Variants in SCAMP1 observed in about 807,000 individuals in gnomAD.
The protein encoded by SCAMP1 is secretory carrier-associated membrane protein 1.
In SCAMP1, 15 loss-of-function variants were observed where a neutral mutation model predicts 41.8. The ratio of observed to expected loss-of-function variants is 0.36; its 90% CI spans 0.24 to 0.55. The LOEUF (loss-of-function observed/expected upper bound fraction) is 0.55. Ranked by LOEUF, SCAMP1 falls within the 20% of genes least tolerant of loss-of-function variation. The pLI, the probability that SCAMP1 is intolerant of heterozygous loss-of-function variation, is 0.86. For synonymous variants in SCAMP1, 135 were observed against 136.8 expected (o/e 0.99, Z 0.09); for missense variants, 341 against 412.6 (o/e 0.83, Z 1.50).
chr5:78,421,197 G>C lies in SCAMP1; in HGVS notation c.473-604G>C, dbSNP rs530657069. Among the ~76,000 whole-genome samples, 19 of 152,246 alleles carry C rather than the reference G, an allele frequency of 1.2e-4. No homozygotes were observed. In the East Asian group the frequency reaches 1.7e-3, roughly 14 times the overall value. ...ACCAAAAGAAAAGCCTGCCACAGTAGCTAAAATGTATCATGTTGTGTGGGG... is the reference window on the plus strand; with the variant it reads ...ACCAAAAGAAAAGCCTGCCACAGTACCTAAAATGTATCATGTTGTGTGGGG... On this transcript the variant is annotated intron_variant, in intron 5 of 8. Coordinates refer to ENST00000621999, the MANE Select transcript of SCAMP1 (RefSeq NM_004866.6).
chr5:78,398,958 T>G (rs558312047), intron 2 of SCAMP1, among the ~76,000 whole-genome samples: 8 of 152,340 alleles, frequency 5.3e-5, no homozygotes, highest in African/African-American at 1.7e-4. Flanking sequence ...AAATCCTCTG[T>G]GCTGTACTTA....
chr5:78,389,142 A>G (rs1382469492), intron 2 of SCAMP1, among the ~76,000 whole-genome samples: 4 of 152,232 alleles, frequency 2.6e-5, no homozygotes, highest in Non-Finnish European at 5.9e-5. Context: ...TTTATGTTTT[A>G]CAGATTAAAT....
intron 8 of SCAMP1, among the ~76,000 whole-genome samples, chr5:78,463,978 T>G (rs1753678906): frequency 6.6e-6 from 1 of 152,132 alleles, no homozygotes; most frequent in African/African-American, 2.4e-5. Context: ...CTTCTGTCAG[T>G]GCTTCCATTA....
At chr5:78,374,929 T>C (rs1222082049) in intron 1 of SCAMP1, among the ~76,000 whole-genome samples, 1 of 152,112 alleles carries the variant, frequency 6.6e-6, no homozygotes, top group Non-Finnish European at 1.5e-5. Flanking sequence ...TTTCGCTAAA[T>C]ACACTTGTCT....
At chr5:78,375,614 T>C (rs1000319224) in intron 1 of SCAMP1, among the ~76,000 whole-genome samples, 37 of 152,290 alleles carry the variant, frequency 2.4e-4, no homozygotes, top group South Asian at 1.2e-3. Flanking sequence ...ATACCTTATA[T>C]CTCATGAAAA....
chr5:78,462,726 T>G (rs1753647614), intron 8 of SCAMP1, among the ~76,000 whole-genome samples: 1 of 152,198 alleles, frequency 6.6e-6, no homozygotes, highest in South Asian at 2.1e-4. Context: ...AGAATTCCCA[T>G]GTCTGTTTTC....
At chr5:78,417,381 A>G (rs924473856) in intron 4 of SCAMP1, among the ~76,000 whole-genome samples, 3 of 152,200 alleles carry the variant, frequency 2.0e-5, no homozygotes, top group Non-Finnish European at 4.4e-5. Context: ...TCTTGCTTGC[A>G]GCATCAGAGG....
At chr5:78,385,567 T>G (rs1482517425) in intron 1 of SCAMP1, among the ~76,000 whole-genome samples, 2 of 152,176 alleles carry the variant, frequency 1.3e-5, no homozygotes, top group African/African-American at 4.8e-5. Context: ...TCAGACTTTT[T>G]GATGTAAGCA....
At chr5:78,365,750 A>G (rs1050448945) in intron 1 of SCAMP1, among the ~76,000 whole-genome samples, 15 of 152,158 alleles carry the variant, frequency 9.9e-5, no homozygotes, top group African/African-American at 2.4e-4. Context: ...CATAGTGTCC[A>G]TTTTGTTTTG....
intron 6 of SCAMP1, among the ~76,000 whole-genome samples, chr5:78,442,690 G>A (rs1248795778): frequency 1.3e-5 from 2 of 152,104 alleles, no homozygotes; most frequent in African/African-American, 4.8e-5. Flanking sequence ...TTTGAAAATG[G>A]TTATCTACTG....
intron 4 of SCAMP1, 39 bp from the exon 5 acceptor site, chr5:78,418,736 A>G: frequency 2.4e-6 from 3 of 1,255,064 alleles, no homozygotes; most frequent in Non-Finnish European, 3.3e-6. Context: ...ATTTGTTATA[A>G]TATAAATAAC....
intron 1 of SCAMP1, chr5:78,360,997 C>G (rs1225339827): frequency 2.3e-6 from 1 of 434,490 alleles, no homozygotes; most frequent in Non-Finnish European, 4.2e-6. Flanking sequence ...GCAGCCGGGA[C>G]TGGGCCCGCG....
chr5:78,424,095 TGGCCTCTGCCCACCTC>T (rs1208474452), intron 6 of SCAMP1, among the ~76,000 whole-genome samples: 15 of 151,942 alleles, frequency 9.9e-5, no homozygotes, highest in South Asian at 4.2e-4. Context: ...CCGCCCACCT[TGGCCTCTGCCCACCTC>T]GGCCTCTGCC....
intron 6 of SCAMP1, among the ~76,000 whole-genome samples, chr5:78,424,722 A>C (rs1156481633): frequency 3.3e-5 from 5 of 152,228 alleles, no homozygotes; most frequent in Non-Finnish European, 7.3e-5. Flanking sequence ...CCTGCCTCAA[A>C]AAAAAAGAAG....
intron 6 of SCAMP1, among the ~76,000 whole-genome samples, chr5:78,443,466 A>G (rs934737689): frequency 2.6e-5 from 4 of 152,034 alleles, no homozygotes; most frequent in Non-Finnish European, 5.9e-5. Flanking sequence ...TGTTAAGTAT[A>G]GAGGATTCAG....
intron 1 of SCAMP1, among the ~76,000 whole-genome samples, chr5:78,373,626 A>G (rs1039111127): frequency 7.2e-5 from 11 of 152,106 alleles, no homozygotes; most frequent in African/African-American, 1.2e-4. Context: ...CCACTGCTCT[A>G]TCTTTAGGCA....
intron 1 of SCAMP1, among the ~76,000 whole-genome samples, chr5:78,362,786 TTA>T (rs2112030515): frequency 6.6e-6 from 1 of 152,352 alleles, no homozygotes; most frequent in African/African-American, 2.4e-5. Flanking sequence ...TTACTTCTGC[TTA>T]TATTTATGTA....
At chr5:78,461,806 C>T (rs1170306588) in intron 8 of SCAMP1, among the ~76,000 whole-genome samples, 10 of 152,060 alleles carry the variant, frequency 6.6e-5, no homozygotes, top group Non-Finnish European at 8.8e-5. Flanking sequence ...TCAAGTGATC[C>T]GCCCGCCTCA....
chr5:78,450,083 A>G (rs776028040), intron 7 of SCAMP1, 49 bp downstream of exon 7: 3 of 1,071,468 alleles, frequency 2.8e-6, no homozygotes, highest in South Asian at 2.9e-5. Flanking sequence ...ATATTGTAAT[A>G]TAATTTTTGG....
Sources: allele counts gnomAD v4.1 joint callset (sites outside exome capture counted in the v4.1 genomes callset), GRCh38; gene constraint gnomAD v4.1.1; transcripts MANE v1.5; gene names NCBI Gene and HGNC (gene_info 2026-07-23, HGNC 2026-07-21).